The following EEIG1 variants were observed in gnomAD, a reference collection of about 807,000 sequenced individuals.
EEIG1 encodes the protein estrogen-induced osteoclastogenesis regulator 1.
chr9:127,968,613 C>A, the EEIG1 span, among the ~76,000 whole-genome samples: 1 of 152,324 alleles, frequency 6.6e-6, no homozygotes, highest in East Asian at 1.9e-4. Context: ...ATATTCTCTG[C>A]AGAGTGTAAG....
chr9:127,949,614 C>T, the EEIG1 span, among the ~76,000 whole-genome samples: 1 of 152,220 alleles, frequency 6.6e-6, no homozygotes, highest in African/African-American at 2.4e-5. Context: ...CAGCCTGGAC[C>T]CTTTCTGGCA....
At chr9:127,961,289 GC>G in the EEIG1 span, among the ~76,000 whole-genome samples, 136,790 of 152,166 alleles carry the variant, frequency 0.9, 62,117 homozygotes, top group Non-Finnish European at 0.97. Context: ...CAGGTGGCAT[GC>G]ATGGGGCATG....
At chr9:127,943,170 C>T in the EEIG1 span, 1 of 1,613,428 alleles carries the variant, frequency 6.2e-7, no homozygotes, top group South Asian at 1.1e-5. Flanking sequence ...CAGGACTCTT[C>T]TCCAGCCCGG....
chr9:127,952,349 C>T, the EEIG1 span, among the ~76,000 whole-genome samples: 7 of 152,266 alleles, frequency 4.6e-5, no homozygotes, highest in Non-Finnish European at 8.8e-5. Context: ...GAAGGCATTT[C>T]CCCTCCCGGC....
chr9:127,954,050 TG>T, the EEIG1 span: 6 of 1,104,936 alleles, frequency 5.4e-6, no homozygotes, highest in Non-Finnish European at 6.5e-6. Context: ...TTTCACTCTG[TG>T]TCACAAAATA....
chr9:127,943,034 A>G, the EEIG1 span: 1 of 691,150 alleles, frequency 1.4e-6, no homozygotes, highest in African/African-American at 1.8e-5. Context: ...GGGAGGGGCA[A>G]TGGAATGATG....
chr9:127,953,816 A>C, the EEIG1 span: 1 of 1,614,002 alleles, frequency 6.2e-7, no homozygotes, highest in Non-Finnish European at 8.5e-7. Flanking sequence ...TTGCGCACAG[A>C]CACACGGAAG....
the EEIG1 span, among the ~76,000 whole-genome samples, chr9:127,955,811 C>T: frequency 6.6e-6 from 1 of 152,230 alleles, no homozygotes; most frequent in Non-Finnish European, 1.5e-5. Context: ...GAGGATGTGA[C>T]CAAGGCTTAC....
chr9:127,940,594 G>A, the EEIG1 span: 1 of 152,084 alleles, frequency 6.6e-6, no homozygotes, highest in East Asian at 1.9e-4. Flanking sequence ...AACAAAAACC[G>A]AAACATTTAA....
At chr9:127,957,476 G>T in the EEIG1 span, among the ~76,000 whole-genome samples, 84 of 152,206 alleles carry the variant, frequency 5.5e-4, no homozygotes, top group African/African-American at 1.9e-3. Context: ...CTAAATAAAT[G>T]GAAAGACATC....
chr9:127,943,158 AG>A, the EEIG1 span: 13 of 1,609,586 alleles, frequency 8.1e-6, no homozygotes, highest in Admixed American at 1.7e-5. Context: ...CTCCAGAGAA[AG>A]CAGGACTCTT....
chr9:127,965,856 C>T, the EEIG1 span, among the ~76,000 whole-genome samples: 6 of 152,260 alleles, frequency 3.9e-5, no homozygotes, highest in Non-Finnish European at 7.3e-5. Flanking sequence ...AGCACAGCAG[C>T]GTCTGGCTCC....
chr9:127,980,266 G>A, the EEIG1 span: 3 of 1,103,892 alleles, frequency 2.7e-6, no homozygotes, highest in Non-Finnish European at 2.6e-6. Context: ...GGCGGAGACG[G>A]CGGAGATCGG....
chr9:127,948,313 C>G, the EEIG1 span: 1 of 1,612,682 alleles, frequency 6.2e-7, no homozygotes, highest in South Asian at 1.1e-5. Context: ...TTCCTCCACC[C>G]CTAGTGCCCG....
At chr9:127,967,977 C>CTTT in the EEIG1 span, among the ~76,000 whole-genome samples, 2 of 99,238 alleles carry the variant, frequency 2.0e-5, no homozygotes, top group African/African-American at 3.7e-5. Context: ...TTCCCCAGGT[C>CTTT]TTTTTTTTTT....
the EEIG1 span, among the ~76,000 whole-genome samples, chr9:127,949,176 T>C: frequency 6.6e-6 from 1 of 151,814 alleles, no homozygotes; most frequent in African/African-American, 2.4e-5. Context: ...TAGCCGGGCG[T>C]GGTGGCGGGC....
the EEIG1 span, among the ~76,000 whole-genome samples, chr9:127,976,796 C>G: frequency 6.6e-6 from 1 of 151,798 alleles, no homozygotes; most frequent in Non-Finnish European, 1.5e-5. The surrounding 1 kb of genome is among the most constrained non-coding windows in gnomAD (Gnocchi z 4.1). Flanking sequence ...GCCTGCTTCA[C>G]TGACACCACC....
At chr9:127,968,773 C>A in the EEIG1 span, among the ~76,000 whole-genome samples, 1 of 152,176 alleles carries the variant, frequency 6.6e-6, no homozygotes, top group Non-Finnish European at 1.5e-5. Flanking sequence ...CAGCCCTGCA[C>A]AGACTCAGAC....
chr9:127,940,630 G>A, the EEIG1 span: 1 of 152,162 alleles, frequency 6.6e-6, no homozygotes, highest in African/African-American at 2.4e-5. Context: ...CCAAGACGCT[G>A]ACACTAGCCT....
Sources: allele counts gnomAD v4.1 joint callset (sites outside exome capture counted in the v4.1 genomes callset), GRCh38; gene constraint gnomAD v4.1.1; non-coding constraint Gnocchi (gnomAD v3.1); transcripts MANE v1.5; gene names NCBI Gene and HGNC (gene_info 2026-07-23, HGNC 2026-07-21).